NDUFS5: variants seen among roughly 807,000 people sequenced by gnomAD.
The protein encoded by NDUFS5 is NADH dehydrogenase [ubiquinone] iron-sulfur protein 5.
In NDUFS5, 7 loss-of-function variants were observed where a neutral mutation model predicts 10.5. That is an observed-to-expected ratio of 0.66 (90% CI 0.38 to 1.25). The LOEUF (loss-of-function observed/expected upper bound fraction) is 1.25. Among genes scored for constraint, NDUFS5 ranks in the 50% most tolerant of loss-of-function variants. The pLI, the probability that NDUFS5 is intolerant of heterozygous loss-of-function variation, is 0.02. For synonymous variants in NDUFS5, 38 were observed against 44.0 expected (o/e 0.86, Z 0.54); for missense variants, 148 against 140.7 (o/e 1.05, Z -0.26).
chr1:39,030,733 AAG>A (rs1644184999), intron 2 of NDUFS5, among the ~76,000 whole-genome samples: 1 of 151,556 alleles, frequency 6.6e-6, no homozygotes, highest in South Asian at 2.1e-4. Context: ...AAAAAAAAAA[AAG>A]AAAATAAAAA....
intron 2 of NDUFS5, among the ~76,000 whole-genome samples, chr1:39,031,847 T>C (rs1017401133): frequency 6.6e-6 from 1 of 152,224 alleles, no homozygotes; most frequent in Non-Finnish European, 1.5e-5. Flanking sequence ...AATGCATGTA[T>C]TTCTCACAAC....
At chr1:39,028,639 A>G (rs952065560) in intron 1 of NDUFS5, 84 bp from the exon 2 acceptor site, 3 of 1,222,286 alleles carry the variant, frequency 2.5e-6, no homozygotes, top group African/African-American at 3.0e-5. Context: ...TAGCATGATT[A>G]TCTAATTTTT....
In NDUFS5 at chr1:39,028,756, G is replaced by C; in HGVS notation, c.32G>C (p.Gly11Ala). 1 of 1,614,032 alleles carries C rather than the reference G, an allele frequency of 6.2e-7. No individual in the cohort carries two copies. The highest frequency in any genetic ancestry group is 8.5e-7 in the Non-Finnish European group (1 of 1,180,012). ...TTCTTGGACATCCAGAAAAGGTTCGGCCTTAACATAGATCGATGGTTGACA... is the reference window on the plus strand; with the variant it reads ...TTCTTGGACATCCAGAAAAGGTTCGCCCTTAACATAGATCGATGGTTGACA... The part of the protein sequence containing the change: MPFLDIQKRF[G>A]LNIDRWLTIQ... Residue 11 changes from glycine to alanine, a missense_variant, in exon 2 of 3, where the codon GGC becomes GCC. Gly to Ala is a moderately conservative substitution (Grantham distance 60, BLOSUM62 0). Coordinates refer to ENST00000372969, the MANE Select transcript of NDUFS5 (RefSeq NM_004552.3).
intron 2 of NDUFS5, 139 bp from the exon 3 acceptor site, chr1:39,034,253 C>T (rs1289963550): frequency 1.3e-5 from 9 of 697,374 alleles, no homozygotes; most frequent in African/African-American, 3.6e-5. Context: ...TCTTTAAAGG[C>T]GGACTTCATT....
intron 2 of NDUFS5, among the ~76,000 whole-genome samples, chr1:39,030,434 C>T (rs1416336329): frequency 3.2e-5 from 4 of 125,568 alleles, no homozygotes; most frequent in African/African-American, 1.2e-4. Context: ...TGGCCCGGCA[C>T]AGTAGCTCAC....
chr1:39,031,869 A>G (rs1030272984), intron 2 of NDUFS5, among the ~76,000 whole-genome samples: 1 of 152,194 alleles, frequency 6.6e-6, no homozygotes, highest in Non-Finnish European at 1.5e-5. Context: ...ATCCTATGAG[A>G]TGAGTTACTA....
chr1:39,030,320 G>A (rs1420375220), intron 2 of NDUFS5, among the ~76,000 whole-genome samples: 2 of 151,148 alleles, frequency 1.3e-5, no homozygotes, highest in South Asian at 2.1e-4. Context: ...CAAGAGAATC[G>A]CCTGAAACTG....
At chr1:39,027,581 G>GT (rs760373747) in intron 1 of NDUFS5, among the ~76,000 whole-genome samples, 1,040 of 91,162 alleles carry the variant, frequency 0.011, 89 homozygotes, top group African/African-American at 0.035. Flanking sequence ...TTTCGCTCTG[G>GT]TTTTTTTTTT....
At chr1:39,029,053 C>A in intron 2 of NDUFS5, 113 bp downstream of exon 2, 1 of 953,534 alleles carries the variant, frequency 1.0e-6, no homozygotes, top group Non-Finnish European at 1.5e-6. Flanking sequence ...TGTGTGATGG[C>A]GCCACCTCGT....
rs775154530 is a variant in NDUFS5, at chr1:39,027,433, G to A, written c.-3+1031G>A. On this transcript the variant is annotated intron_variant, in intron 1 of 2. Coordinates refer to ENST00000372969, the MANE Select transcript of NDUFS5 (RefSeq NM_004552.3). The stretch of plus-strand genomic sequence containing the variant: ...TATTGATATTTGTGGGTGTGCGCGC[G>A]CTTCCTTTCAGTCATTTTAGGCAGT... Among the ~76,000 whole-genome samples the A allele has an allele frequency of 4.6e-5, 7 of 152,136 alleles. No individual in the cohort carries two copies. The South Asian group carries it at 6.2e-4, about 14-fold the overall frequency.
intron 1 of NDUFS5, among the ~76,000 whole-genome samples, chr1:39,027,131 C>T (rs1471626835): frequency 6.6e-6 from 1 of 151,910 alleles, no homozygotes; most frequent in Non-Finnish European, 1.5e-5. Flanking sequence ...TGCAGAGTGG[C>T]GCGATCTCGG....
chr1:39,033,444 G>T (rs986679684), intron 2 of NDUFS5, among the ~76,000 whole-genome samples: 7 of 151,140 alleles, frequency 4.6e-5, no homozygotes, highest in African/African-American at 1.7e-4. Flanking sequence ...GTGGTGGCGG[G>T]CGCCTGTAGT....
At chr1:39,029,181 C>T (rs1213442966) in intron 2 of NDUFS5, among the ~76,000 whole-genome samples, 3 of 151,758 alleles carry the variant, frequency 2.0e-5, no homozygotes, top group Non-Finnish European at 4.4e-5. Context: ...TTAGTAGAAA[C>T]GGGATTTCAC....
rs1361943582 is a variant in NDUFS5, at chr1:39,027,802, T to C, written c.-2-921T>C. On this transcript the variant is annotated intron_variant, in intron 1 of 2. Coordinates refer to ENST00000372969, the MANE Select transcript of NDUFS5 (RefSeq NM_004552.3). ...CTGACCAAAGGATCCAAATTCTTTT[T>C]TTCTTCTTCTTCTTTTTTTTTTTTT... Among the ~76,000 whole-genome samples, 171 of 82,392 alleles carry C rather than the reference T, an allele frequency of 2.1e-3. 1 individual carries two copies. Among genetic ancestry groups the C allele is most frequent in the African/African-American group, 5.9e-3 (157 of 26,608 alleles). The allele number at this position is 82,392 out of a possible 152,430, so 54.1% of individuals were successfully genotyped here.
chr1:39,032,171 C>A (rs1041820626), intron 2 of NDUFS5, among the ~76,000 whole-genome samples: 30 of 152,088 alleles, frequency 2.0e-4, no homozygotes, highest in Non-Finnish European at 4.1e-4. Context: ...GTCAAAAAAA[C>A]AAACAAATGA....
chr1:39,033,808 A>G (rs1479279306), intron 2 of NDUFS5, among the ~76,000 whole-genome samples: 1 of 141,958 alleles, frequency 7.0e-6, no homozygotes, highest in Non-Finnish European at 1.5e-5. Flanking sequence ...ACTTTTATTT[A>G]TTTATTTATT....
At chr1:39,029,041 G>A in intron 2 of NDUFS5, 101 bp downstream of exon 2, 4 of 1,083,930 alleles carry the variant, frequency 3.7e-6, no homozygotes, top group Non-Finnish European at 5.2e-6. Flanking sequence ...CCCCTAGGCT[G>A]GTGTGTGATG....
In NDUFS5 at chr1:39,033,778, G is replaced by A. The variant is rs1644209278; in HGVS notation, c.217-614G>A. ...GCCTCCCAAAGTGCTGGGATTACAGGCGTGAGCCACCACGGCCCAACTTTT... is the reference window on the plus strand; with the variant it reads ...GCCTCCCAAAGTGCTGGGATTACAGACGTGAGCCACCACGGCCCAACTTTT... On this transcript the variant is annotated intron_variant, in intron 2 of 2. Coordinates refer to ENST00000372969, the MANE Select transcript of NDUFS5 (RefSeq NM_004552.3). 5.7e-5 allele frequency among the ~76,000 whole-genome samples: 8 copies of A among 140,886 alleles called. No homozygotes were observed. The South Asian group carries it at 1.8e-3, about 32-fold the overall frequency. The allele number at this position is 140,886 out of a possible 152,430, so 92.4% of individuals were successfully genotyped here.
Position 39,034,607 on chromosome 1 carries a change from T to G in NDUFS5, c.*111T>G, listed in dbSNP as rs989173578. ...AAAGTGTGTAAAAATAAAGGATTGC[T>G]CCATCCTATTTGTTCTATTTTCTCT... On this transcript the variant is annotated 3_prime_UTR_variant, in exon 3 of 3. Transcript: ENST00000372969. 7.1e-5 allele frequency: 60 copies of G among 850,198 alleles called. No homozygotes were observed. In the African/African-American group the frequency reaches 8.7e-4, roughly 12 times the overall value. The allele number at this position is 850,198 out of a possible 1,614,324, so 52.7% of individuals were successfully genotyped here.
Sources: gnomAD v4.1 joint callset for allele counts (sites outside exome capture counted in the v4.1 genomes callset) on GRCh38, gnomAD v4.1.1 for gene constraint, MANE v1.5 for transcripts, NCBI Gene and HGNC (gene_info 2026-07-23, HGNC 2026-07-21) for gene names.